The following SHANK2 variants were observed in gnomAD, a reference collection of about 807,000 sequenced individuals.
SHANK2 encodes SH3 and multiple ankyrin repeat domains protein 2.
In SHANK2, 43 loss-of-function variants were observed where a neutral mutation model predicts 133.7. That is an observed-to-expected ratio of 0.32 (90% CI 0.25 to 0.41). SHANK2 has a LOEUF of 0.41. Ranked by LOEUF, SHANK2 falls within the 10% of genes least tolerant of loss-of-function variation. The pLI is 1.00. For missense variants in SHANK2, 1,994 were observed against 2,235.8 expected (o/e 0.89, Z 2.18); for synonymous variants, 1,017 against 952.8 (o/e 1.07, Z -1.24).
chr11:70,630,231 C>T (rs2060965213), intron 17 of SHANK2, among the ~76,000 whole-genome samples: 1 of 152,212 alleles, frequency 6.6e-6, no homozygotes, highest in South Asian at 2.1e-4. Flanking sequence ...CTTGCAGGTG[C>T]CCTGAGGCCA....
intron 14 of SHANK2, among the ~76,000 whole-genome samples, chr11:70,751,755 G>T (rs1946753343): frequency 6.6e-6 from 1 of 152,120 alleles, no homozygotes; most frequent in Non-Finnish European, 1.5e-5. Flanking sequence ...GATCTATATG[G>T]TGGTAAGGTT....
At chr11:71,123,360 A>G (rs1157556617) in intron 3 of SHANK2, among the ~76,000 whole-genome samples, 1 of 152,194 alleles carries the variant, frequency 6.6e-6, no homozygotes, top group African/African-American at 2.4e-5. Context: ...AAAGGTAAAA[A>G]TCCATGCTAA....
chr11:70,852,765 C>A (rs1354896749), intron 11 of SHANK2, among the ~76,000 whole-genome samples: 2 of 152,212 alleles, frequency 1.3e-5, no homozygotes, highest in African/African-American at 4.8e-5. Flanking sequence ...ATCGCTTGAA[C>A]CCAGGAGGCG....
intron 17 of SHANK2, among the ~76,000 whole-genome samples, chr11:70,642,621 C>G (rs548012594): frequency 6.6e-6 from 1 of 152,270 alleles, no homozygotes; most frequent in East Asian, 1.9e-4. Flanking sequence ...GGCCGGGCTG[C>G]CACTTCCATC....
chr11:70,757,811 C>T (rs1457429577), intron 14 of SHANK2, among the ~76,000 whole-genome samples: 2 of 152,128 alleles, frequency 1.3e-5, no homozygotes, highest in African/African-American at 2.4e-5. Context: ...TGGGGTCCCC[C>T]GACACACCAT....
intron 14 of SHANK2, among the ~76,000 whole-genome samples, chr11:70,770,780 GC>G (rs1947230236): frequency 6.6e-6 from 1 of 152,138 alleles, no homozygotes; most frequent in South Asian, 2.1e-4. Flanking sequence ...CCAGGTTCCT[GC>G]TCTGGGATCA....
chr11:70,747,387 G>A (rs1946662861), intron 14 of SHANK2, among the ~76,000 whole-genome samples: 1 of 152,174 alleles, frequency 6.6e-6, no homozygotes, highest in Non-Finnish European at 1.5e-5. Context: ...TTCTGCTGGT[G>A]GAAAAGTCTT....
intron 14 of SHANK2, among the ~76,000 whole-genome samples, chr11:70,793,498 A>T (rs1332131849): frequency 6.6e-6 from 1 of 152,254 alleles, no homozygotes; most frequent in East Asian, 1.9e-4. Flanking sequence ...CCTACAAACC[A>T]ATAAGGAAAA....
At chr11:70,586,590 C>T (rs2060256375) in intron 17 of SHANK2, among the ~76,000 whole-genome samples, 2 of 152,364 alleles carry the variant, frequency 1.3e-5, no homozygotes, top group Admixed American at 1.3e-4. Flanking sequence ...GGGGCACATG[C>T]TGGGACGCAG....
chr11:71,085,276 T>C (rs1467995954), intron 8 of SHANK2, among the ~76,000 whole-genome samples: 2 of 151,206 alleles, frequency 1.3e-5, no homozygotes, highest in Non-Finnish European at 2.9e-5. Flanking sequence ...AGCCAACATG[T>C]TGAAACCCTG....
intron 17 of SHANK2, among the ~76,000 whole-genome samples, chr11:70,613,766 T>TTTTTTG (rs1213271981): frequency 2.1e-5 from 3 of 145,524 alleles, no homozygotes; most frequent in Non-Finnish European, 3.0e-5. Flanking sequence ...GGAACTTGTT[T>TTTTTTG]TTTTTTTTTT....
chr11:70,806,790 C>A (rs1456141570), intron 13 of SHANK2, among the ~76,000 whole-genome samples: 1 of 152,226 alleles, frequency 6.6e-6, no homozygotes, highest in African/African-American at 2.4e-5. Context: ...CCCTTCGATC[C>A]CTGAGACCCA....
chr11:70,951,753 G>C (rs932717025), intron 10 of SHANK2, among the ~76,000 whole-genome samples: 11 of 152,336 alleles, frequency 7.2e-5, no homozygotes, highest in African/African-American at 2.6e-4. Context: ...TCCAGGTGTT[G>C]GCAGGGCTGC....
chr11:70,640,706 C>A lies in SHANK2; in HGVS notation c.2061+19122G>T, dbSNP rs2061167646. Among the ~76,000 whole-genome samples, 3 of 152,222 alleles carry A rather than the reference C, an allele frequency of 2.0e-5. No individual in the cohort carries two copies. The South Asian group carries it at 6.2e-4, about 32-fold the overall frequency. The stretch of plus-strand genomic sequence containing the variant: ...GGCGCATGCCCAGTCAGGATCCCTC[C>A]CTGTCTCCCATTCTCTAGAACAGTC... On this transcript the variant is annotated intron_variant, in intron 17 of 25. Transcript: ENST00000601538.
intron 14 of SHANK2, among the ~76,000 whole-genome samples, chr11:70,790,012 C>T (rs1026883628): frequency 2.0e-5 from 3 of 152,222 alleles, no homozygotes; most frequent in East Asian, 1.9e-4. Context: ...TAAGATGTGT[C>T]GCTGAAAACT....
chr11:71,170,786 G>A (rs1953298331), intron 2 of SHANK2, among the ~76,000 whole-genome samples: 1 of 152,228 alleles, frequency 6.6e-6, no homozygotes, highest in African/African-American at 2.4e-5. Flanking sequence ...CCAGGAGGAA[G>A]CAGCTATTTC....
intron 2 of SHANK2, among the ~76,000 whole-genome samples, chr11:71,151,757 C>G (rs1202362789): frequency 6.6e-6 from 1 of 151,802 alleles, no homozygotes; most frequent in African/African-American, 2.4e-5. Context: ...TGCCCCAGCT[C>G]AGGTCAGATA....
intron 7 of SHANK2, among the ~76,000 whole-genome samples, chr11:71,094,261 G>C (rs1046109918): frequency 1.3e-5 from 2 of 152,130 alleles, no homozygotes; most frequent in Admixed American, 1.3e-4. Context: ...TGGCCTTACG[G>C]GTTGAAAAGA....
chr11:71,245,037 G>A (rs1954942722), intron 1 of SHANK2, among the ~76,000 whole-genome samples: 1 of 152,052 alleles, frequency 6.6e-6, no homozygotes, highest in African/African-American at 2.4e-5. Context: ...CTAGAGTACA[G>A]TGGCGTGATC....
Sources: allele counts gnomAD v4.1 joint callset (sites outside exome capture counted in the v4.1 genomes callset), GRCh38; gene constraint gnomAD v4.1.1; transcripts MANE v1.5; gene names NCBI Gene and HGNC (gene_info 2026-07-23, HGNC 2026-07-21).